The following DIP2C variants were observed in gnomAD, a reference collection of about 807,000 sequenced individuals.
DIP2C encodes the protein disco-interacting protein 2 homolog C.
DIP2C carries 33 observed loss-of-function variants against 192.4 expected under a neutral mutation model. The observed-to-expected ratio is 0.17, with a 90% CI of 0.13 to 0.23. The LOEUF (loss-of-function observed/expected upper bound fraction) is 0.23. Among genes scored for constraint, DIP2C ranks in the 10% least tolerant of loss-of-function variants. DIP2C has a pLI of 1.00. For missense variants in DIP2C, 1,537 were observed against 2,110.1 expected (o/e 0.73, Z 5.32); for synonymous variants, 979 against 864.1 (o/e 1.13, Z -2.33).
intron 1 of DIP2C, among the ~76,000 whole-genome samples, chr10:556,927 CCTCTCT>C (rs61077303): frequency 6.6e-6 from 1 of 151,948 alleles, no homozygotes; most frequent in Non-Finnish European, 1.5e-5. Flanking sequence ...TGCACTCTCT[CCTCTCT>C]CTCTCCAGCT....
chr10:575,989 G>A (rs1000141239), intron 1 of DIP2C, among the ~76,000 whole-genome samples: 17 of 152,286 alleles, frequency 1.1e-4, no homozygotes, highest in Admixed American at 8.5e-4. Context: ...ACTCCTGCAC[G>A]TGGGTGCCAG....
intron 3 of DIP2C, among the ~76,000 whole-genome samples, chr10:461,312 T>C (rs1446430188): frequency 6.6e-6 from 1 of 152,210 alleles, no homozygotes; most frequent in Non-Finnish European, 1.5e-5. Flanking sequence ...CTATCTCATG[T>C]GCAAAGACAC....
chr10:371,826 G>C (rs1230220948), intron 17 of DIP2C, among the ~76,000 whole-genome samples: 2 of 152,252 alleles, frequency 1.3e-5, no homozygotes, highest in Non-Finnish European at 2.9e-5. Flanking sequence ...GCCTCCAGAA[G>C]TGAGACAAGT....
chr10:585,413 T>C (rs1006877997), intron 1 of DIP2C, among the ~76,000 whole-genome samples: 67 of 152,320 alleles, frequency 4.4e-4, no homozygotes, highest in African/African-American at 1.6e-3. Context: ...TAGTATTACA[T>C]TCAGTAAATC....
rs1959843701 is a variant in DIP2C at position 363,852 on chromosome 10, A to C, written c.2477+522T>G. 6.6e-6 allele frequency among the ~76,000 whole-genome samples: 1 copy of C among 152,202 alleles called. No individual in the cohort carries two copies. The highest frequency in any genetic ancestry group is 1.5e-5 in the Non-Finnish European group (1 of 68,036). On this transcript the variant is annotated intron_variant, in intron 20 of 36. Coordinates refer to ENST00000280886, the MANE Select transcript of DIP2C (RefSeq NM_014974.3). The surrounding 1 kb of genome is among the most constrained non-coding windows in gnomAD (Gnocchi z 5.4). ...CTACTTCCTGCTCCCATCAGCTTCC[A>C]AACTGAAAAAAGGCTCTAAAACACT...
intron 1 of DIP2C, among the ~76,000 whole-genome samples, chr10:521,484 C>A (rs368438302): frequency 3.3e-5 from 5 of 152,202 alleles, no homozygotes; most frequent in South Asian, 4.1e-4. Context: ...TCTCTGCCCC[C>A]CAAAGCCTGA....
intron 1 of DIP2C, among the ~76,000 whole-genome samples, chr10:631,433 C>T (rs1166382164): frequency 1.3e-5 from 2 of 152,192 alleles, no homozygotes; most frequent in Admixed American, 6.5e-5. Context: ...AACATCCGTC[C>T]GCAGGGATGT....
At position 666,299 on chromosome 10, in the gene DIP2C, G is replaced by A. The variant is rs1289831023; in HGVS notation, c.85+23195C>T. 2 of 152,286 alleles carry A rather than the reference G, an allele frequency of 1.3e-5. No individual in the cohort carries two copies. Among genetic ancestry groups the A allele is most frequent in the South Asian group, 2.1e-4 (1 of 4,834 alleles). The allele number at this position is 152,286 out of a possible 1,614,324, so 9.4% of individuals were successfully genotyped here. On this transcript the variant is annotated intron_variant, in intron 1 of 36. Coordinates refer to ENST00000280886, the MANE Select transcript of DIP2C (RefSeq NM_014974.3). This position sits in a 1 kb window ranked among gnomAD's most constrained non-coding sequence, Gnocchi z 4.1. ...CTCACAACATCCCTGGAAAAGCAACGAGGCGAACGGCTGGTCTGCGTTCAG... is the reference window on the plus strand; with the variant it reads ...CTCACAACATCCCTGGAAAAGCAACAAGGCGAACGGCTGGTCTGCGTTCAG...
At chr10:453,096 AG>A (rs1348751563) in intron 3 of DIP2C, among the ~76,000 whole-genome samples, 6 of 152,260 alleles carry the variant, frequency 3.9e-5, no homozygotes, top group African/African-American at 1.4e-4. Flanking sequence ...ATGGGTAAAC[AG>A]GTTGCTACAA....
At chr10:475,500 G>A (rs1480429739) in intron 2 of DIP2C, among the ~76,000 whole-genome samples, 1 of 152,030 alleles carries the variant, frequency 6.6e-6, no homozygotes, top group African/African-American at 2.4e-5. Context: ...ACCTCCTCTT[G>A]GTGCCCATGG....
intron 5 of DIP2C, among the ~76,000 whole-genome samples, chr10:422,503 G>T (rs765011618): frequency 1.3e-5 from 2 of 152,154 alleles, no homozygotes; most frequent in Non-Finnish European, 2.9e-5. Context: ...CGGTCAGGAC[G>T]AGCACATTTA....
intron 1 of DIP2C, among the ~76,000 whole-genome samples, chr10:550,678 A>G (rs974385506): frequency 6.6e-6 from 1 of 152,170 alleles, no homozygotes; most frequent in Non-Finnish European, 1.5e-5. Context: ...AGCCTCCTGT[A>G]AAATCAGGTG....
At chr10:505,094 G>C (rs1234504656) in intron 1 of DIP2C, among the ~76,000 whole-genome samples, 1 of 152,152 alleles carries the variant, frequency 6.6e-6, no homozygotes, top group African/African-American at 2.4e-5. Flanking sequence ...CTGCAGCCCA[G>C]CACCCTTCCC....
In DIP2C at chr10:274,947, G is replaced by C. The variant is rs1472309041; in HGVS notation, c.*2378C>G. ...TTATTGCTGAAACTGGTGGTACTAA[G>C]TGTCTCCTTTCCTTTCTCTTGCACA... On this transcript the variant is annotated 3_prime_UTR_variant, in exon 37 of 37. Transcript: ENST00000280886. The C allele has an allele frequency of 1.3e-5, 2 of 152,190 alleles. No individual in the cohort carries two copies. The highest frequency in any genetic ancestry group is 2.9e-5 in the Non-Finnish European group (2 of 68,030). 9.4% of individuals were successfully genotyped at this position (152,190 alleles called of 1,614,324 possible). A position where few individuals can be genotyped will look rare whatever the true frequency, so the allele number is the denominator to read the frequency against.
intron 1 of DIP2C, among the ~76,000 whole-genome samples, chr10:588,253 T>TGC (rs1387013427): frequency 1.3e-5 from 2 of 151,254 alleles, no homozygotes; most frequent in African/African-American, 4.9e-5. Context: ...CACCAGCCAC[T>TGC]GCTTCAGCCC....
At chr10:321,060 G>A (rs538943538) in intron 31 of DIP2C, among the ~76,000 whole-genome samples, 46 of 152,342 alleles carry the variant, frequency 3.0e-4, no homozygotes, top group African/African-American at 5.8e-4. Flanking sequence ...ACAACTGCAC[G>A]AAGGGGAGGC....
intron 35 of DIP2C, among the ~76,000 whole-genome samples, chr10:281,737 G>A (rs1198590827): frequency 6.6e-6 from 1 of 152,234 alleles, no homozygotes. Flanking sequence ...GCCACAGTCA[G>A]ACCAGCTCTG....
chr10:394,021 A>C (rs1334050223), intron 10 of DIP2C, among the ~76,000 whole-genome samples: 1 of 152,218 alleles, frequency 6.6e-6, no homozygotes, highest in African/African-American at 2.4e-5. Flanking sequence ...AAAAACCTAA[A>C]TATAGAACTA....
chr10:454,360 GGATAA>G (rs541670986), intron 3 of DIP2C, among the ~76,000 whole-genome samples: 2 of 152,176 alleles, frequency 1.3e-5, no homozygotes, highest in East Asian at 3.9e-4. Context: ...TACTAAAAAG[GGATAA>G]AATACTAAAA....
Sources: allele counts gnomAD v4.1 joint callset (sites outside exome capture counted in the v4.1 genomes callset), GRCh38; gene constraint gnomAD v4.1.1; non-coding constraint Gnocchi (gnomAD v3.1); transcripts MANE v1.5; gene names NCBI Gene and HGNC (gene_info 2026-07-23, HGNC 2026-07-21).